The following PCDHGA6 variants were observed in gnomAD, a reference collection of about 807,000 sequenced individuals.
PCDHGA6 encodes protocadherin gamma subfamily A, 6.
In PCDHGA6, 41 loss-of-function variants were observed where a neutral mutation model predicts 60.6. The ratio of observed to expected loss-of-function variants is 0.68; its 90% CI spans 0.53 to 0.88. The LOEUF (loss-of-function observed/expected upper bound fraction) is 0.88. PCDHGA6 is among the 40% of genes least tolerant of loss of function. The probability of loss-of-function intolerance (pLI) is 0.00; values close to 1 mark genes in which losing one functional copy is unlikely to be tolerated. For missense variants in PCDHGA6, 1,312 were observed against 1,203.0 expected (o/e 1.09, Z -1.34); for synonymous variants, 594 against 524.4 (o/e 1.13, Z -1.81).
At chr5:141,388,571 C>A in intron 1 of PCDHGA6, 2 of 1,613,830 alleles carry the variant, frequency 1.2e-6, no homozygotes, top group Non-Finnish European at 1.7e-6. Context: ...CACAGATACA[C>A]GTTCTAGTGA....
chr5:141,418,016 G>C (rs772945671), intron 1 of PCDHGA6: 1 of 1,613,968 alleles, frequency 6.2e-7, no homozygotes, highest in Non-Finnish European at 8.5e-7. Context: ...CCTCGCTAAG[G>C]ATCTAGGGCT....
chr5:141,485,814 CT>C lies in PCDHGA6; in HGVS notation c.2425-8992del, dbSNP rs2099619658. On this transcript the variant is annotated intron_variant, in intron 1 of 3. Transcript: ENST00000517434. The surrounding 1 kb of genome is among the most constrained non-coding windows in gnomAD (Gnocchi z 5.7). ...TCGGACTACCGCCTGGTGCTGACTGCTGTCGATGGAGGGAACCCGCCGAGAT... is the reference window on the plus strand; with the variant it reads ...TCGGACTACCGCCTGGTGCTGACTGCGTCGATGGAGGGAACCCGCCGAGAT... The C allele has an allele frequency of 6.2e-7, 1 of 1,613,864 alleles. No individual in the cohort carries two copies. Among genetic ancestry groups the C allele is most frequent in the Non-Finnish European group, 8.5e-7 (1 of 1,179,990 alleles).
chr5:141,399,727 G>A, intron 1 of PCDHGA6: 1 of 1,613,308 alleles, frequency 6.2e-7, no homozygotes, highest in Non-Finnish European at 8.5e-7. Context: ...CCGCGACCAG[G>A]GCTCGCCTGC....
In PCDHGA6 at chr5:141,374,067, T is replaced by A; in HGVS notation, c.-17T>A. The A allele has an allele frequency of 1.3e-6, 2 of 1,500,346 alleles. No individual in the cohort carries two copies. Among genetic ancestry groups the A allele is most frequent in the Non-Finnish European group, 1.8e-6 (2 of 1,126,316 alleles). 92.9% of individuals were successfully genotyped at this position (1,500,346 alleles called of 1,614,324 possible). A position where few individuals can be genotyped will look rare whatever the true frequency, so the allele number is the denominator to read the frequency against. On this transcript the variant is annotated 5_prime_UTR_variant, in exon 1 of 4. Coordinates refer to ENST00000517434, the MANE Select transcript of PCDHGA6 (RefSeq NM_018919.3). ...CTTCCTCTTCTTAATCCCAGAGAAG[T>A]TCCTAATAAGCCAGTAATGGCGCCT...
chr5:141,489,283 G>A lies in PCDHGA6; in HGVS notation c.2425-5524G>A. The A allele has an allele frequency of 6.4e-7, 1 of 1,569,594 alleles. No homozygotes were observed. Among genetic ancestry groups the A allele is most frequent in the Admixed American group, 1.8e-5 (1 of 55,646 alleles). ...CCCACAGCTCGCTGGGAAATGGCAA[G>A]TGCTGTGCATGTTGTCCTTGTGCTG... On this transcript the variant is annotated intron_variant, in intron 1 of 3. Coordinates refer to ENST00000517434, the MANE Select transcript of PCDHGA6 (RefSeq NM_018919.3). This position sits in a 1 kb window ranked among gnomAD's most constrained non-coding sequence, Gnocchi z 4.5.
intron 1 of PCDHGA6, chr5:141,398,645 C>T (rs932721053): frequency 6.2e-7 from 1 of 1,613,936 alleles, no homozygotes; most frequent in African/African-American, 1.3e-5. Flanking sequence ...TATAAACTCT[C>T]TCTTAACCCA....
intron 1 of PCDHGA6, chr5:141,378,952 A>C (rs1276367452): frequency 6.6e-6 from 1 of 152,232 alleles, no homozygotes; most frequent in East Asian, 1.9e-4. Flanking sequence ...AATGGAGTAC[A>C]GGGGATTCTC....
intron 2 of PCDHGA6, among the ~76,000 whole-genome samples, chr5:141,501,907 G>T (rs4912761): frequency 0.59 from 89,145 of 151,782 alleles, 27,774 homozygotes; most frequent in African/African-American, 0.8. Context: ...CAACCCCACT[G>T]TTCCACTCAG....
rs142703691 is a variant in PCDHGA6 at position 141,489,691 on chromosome 5, C to T, written c.2425-5116C>T. On this transcript the variant is annotated intron_variant, in intron 1 of 3. Transcript: ENST00000517434. The surrounding 1 kb of genome is among the most constrained non-coding windows in gnomAD (Gnocchi z 4.5). ...CTCAGAATCAGCAGCATCTGGGGCACGATTCCCACTGGACAGTGCCCAGGA... is the reference window on the plus strand; with the variant it reads ...CTCAGAATCAGCAGCATCTGGGGCATGATTCCCACTGGACAGTGCCCAGGA... 8.1e-6 allele frequency: 13 copies of T among 1,614,164 alleles called. No individual in the cohort carries two copies. The highest frequency in any genetic ancestry group is 3.3e-5 in the South Asian group (3 of 91,080).
intron 1 of PCDHGA6, among the ~76,000 whole-genome samples, chr5:141,453,047 G>A (rs930795400): frequency 1.3e-5 from 2 of 152,172 alleles, no homozygotes; most frequent in African/African-American, 4.8e-5. Context: ...TTTCTATTAT[G>A]TGCAGTTTTA....
rs780024608 is a variant in PCDHGA6, at chr5:141,376,291, C to T, written c.2208C>T (p.Pro736=). Reference sequence around the variant, plus strand: ...CGGGAGGTGGCTTAGCGAGCATGCCCGGCTCGCACTTTGTGGGCGTGGAAG... The same window carrying T: ...CGGGAGGTGGCTTAGCGAGCATGCCTGGCTCGCACTTTGTGGGCGTGGAAG... The part of the protein sequence containing the change: ...QASGGGLASM[P]GSHFVGVEGV... Residue 736 remains proline (P), a synonymous_variant, in exon 1 of 4, where the codon CCC becomes CCT. Coordinates refer to ENST00000517434, the MANE Select transcript of PCDHGA6 (RefSeq NM_018919.3). 8 of 1,614,158 alleles carry T rather than the reference C, an allele frequency of 5.0e-6. No homozygotes were observed. The East Asian group carries it at 6.7e-5, about 13-fold the overall frequency.
intron 1 of PCDHGA6, among the ~76,000 whole-genome samples, chr5:141,434,248 G>A (rs1347428778): frequency 2.0e-5 from 3 of 152,188 alleles, no homozygotes; most frequent in Non-Finnish European, 2.9e-5. Flanking sequence ...GATGACTTGG[G>A]CATTGTGGGG....
At chr5:141,427,982 G>A in intron 1 of PCDHGA6, 1 of 1,596,754 alleles carries the variant, frequency 6.3e-7, no homozygotes, top group Non-Finnish European at 8.6e-7. Flanking sequence ...CCGCGCTGGG[G>A]CCCGATGGCT....
intron 1 of PCDHGA6, chr5:141,412,531 T>G (rs534627173): frequency 1.7e-4 from 26 of 152,304 alleles, no homozygotes; most frequent in African/African-American, 5.8e-4. Flanking sequence ...GTTACAATTA[T>G]AAAGCTTCAG....
chr5:141,409,476 C>T (rs1195323775), intron 1 of PCDHGA6: 1 of 1,613,982 alleles, frequency 6.2e-7, no homozygotes, highest in South Asian at 1.1e-5. Context: ...ATCGTAGCCA[C>T]TGACAGGGGC....
chr5:141,511,267 C>A lies in PCDHGA6; in HGVS notation c.*94C>A, dbSNP rs1223074819. The A allele has an allele frequency of 6.5e-7, 1 of 1,549,404 alleles. No individual in the cohort carries two copies. Among genetic ancestry groups the A allele is most frequent in the Non-Finnish European group, 8.7e-7 (1 of 1,146,836 alleles). Reference sequence around the variant, plus strand: ...CCAGGCCTCAGAGTTTCAGGGCTAACCCCCAGAATACTGGTAGGGGCCAAG... The same window carrying A: ...CCAGGCCTCAGAGTTTCAGGGCTAAACCCCAGAATACTGGTAGGGGCCAAG... On this transcript the variant is annotated 3_prime_UTR_variant, in exon 4 of 4. Coordinates refer to ENST00000517434, the MANE Select transcript of PCDHGA6 (RefSeq NM_018919.3).
At chr5:141,494,554 T>C (rs1270280236) in intron 1 of PCDHGA6, among the ~76,000 whole-genome samples, 1 of 152,178 alleles carries the variant, frequency 6.6e-6, no homozygotes, top group African/African-American at 2.4e-5. Flanking sequence ...GGGCCATTTC[T>C]TTAGGAAAGG....
At chr5:141,389,745 A>G in intron 1 of PCDHGA6, 1 of 1,612,748 alleles carries the variant, frequency 6.2e-7, no homozygotes, top group Non-Finnish European at 8.5e-7. Context: ...GGGGCTGCGC[A>G]CGGGCGAAGT....
chr5:141,399,203 G>C, intron 1 of PCDHGA6: 1 of 1,613,940 alleles, frequency 6.2e-7, no homozygotes, highest in Middle Eastern at 1.6e-4. Context: ...GCGGTGCCTG[G>C]AACACTAATT....
Sources: gnomAD v4.1 joint callset for allele counts (sites outside exome capture counted in the v4.1 genomes callset) on GRCh38, gnomAD v4.1.1 for gene constraint, Gnocchi (gnomAD v3.1) non-coding constraint, MANE v1.5 for transcripts, NCBI Gene and HGNC (gene_info 2026-07-23, HGNC 2026-07-21) for gene names.